Variants in CELSR2 observed in about 807,000 individuals in gnomAD.
CELSR2 encodes the protein EGF-like protein 2.
CELSR2 carries 81 observed loss-of-function variants against 251.6 expected under a neutral mutation model. The observed-to-expected ratio is 0.32, with a 90% CI of 0.27 to 0.39. The LOEUF (loss-of-function observed/expected upper bound fraction) is 0.39, where lower values mean the gene tolerates loss of function less well. CELSR2 is among the 10% of genes least tolerant of loss of function. The pLI is 1.00. For synonymous variants in CELSR2, 1,721 were observed against 1,670.5 expected, an observed-to-expected ratio of 1.03 and a Z score of -0.74; for missense variants, 3,365 against 3,947.7, an observed-to-expected ratio of 0.85 and a Z score of 3.96.
intron 5 of CELSR2, 32 bp from the exon 6 acceptor site, chr1:109,262,255 T>C: frequency 1.2e-6 from 2 of 1,609,248 alleles, no homozygotes; most frequent in Non-Finnish European, 1.7e-6. Flanking sequence ...CTGTACTCAG[T>C]GTCCCCCTTC....
Position 109,269,625 on chromosome 1 carries a change from C to T in CELSR2, c.6980+34C>T, listed in dbSNP as rs778433865. On this transcript the variant is annotated intron_variant, in intron 21 of 33. Coordinates refer to ENST00000271332, the MANE Select transcript of CELSR2 (RefSeq NM_001408.3). This position sits in a 1 kb window ranked among gnomAD's most constrained non-coding sequence, Gnocchi z 6.4. ...GCACTGCCCTCGCCCCCTCAGGCTT[C>T]GGGCTGAAAGTCCAGGCCCCTGCAT... 2.9e-5 allele frequency: 47 copies of T among 1,613,138 alleles called. 1 individual carries two copies. In the South Asian group the frequency reaches 4.2e-4, roughly 14 times the overall value.
At chr1:109,270,168 C>A (rs1329033839) in intron 23 of CELSR2, 35 bp downstream of exon 23, 1 of 1,603,404 alleles carries the variant, frequency 6.2e-7, no homozygotes, top group East Asian at 2.2e-5. Flanking sequence ...ACTGTCCCCA[C>A]CTTCTCAGGC....
At position 109,274,066 on chromosome 1, in the gene CELSR2, C is replaced by T. The variant is rs1371766144; in HGVS notation, c.*17C>T. Reference sequence around the variant, plus strand: ...CTGCATTAACCCTGGGCCGTGGTTCCTACGCCCGAGGCTCCCTTCCCTTCC... The same window carrying T: ...CTGCATTAACCCTGGGCCGTGGTTCTTACGCCCGAGGCTCCCTTCCCTTCC... On this transcript the variant is annotated 3_prime_UTR_variant, in exon 34 of 34. Coordinates refer to ENST00000271332, the MANE Select transcript of CELSR2 (RefSeq NM_001408.3). 3 of 1,614,070 alleles carry T rather than the reference C, an allele frequency of 1.9e-6. No homozygotes were observed. The highest frequency in any genetic ancestry group is 2.5e-6 in the Non-Finnish European group (3 of 1,180,024).
Position 109,261,333 on chromosome 1 carries a change from T to C in CELSR2, c.4181+69T>C. 1 of 1,500,442 alleles carries C rather than the reference T, an allele frequency of 6.7e-7. No homozygotes were observed. The highest frequency in any genetic ancestry group is 9.2e-7 in the Non-Finnish European group (1 of 1,089,204). 92.9% of individuals were successfully genotyped at this position (1,500,442 alleles called of 1,614,324 possible). ...ATCTGAGGTGCCTCCTGTTCTGTGG[T>C]TGAAGTAAGAGGTCAGGCAGTGAAA... On this transcript the variant is annotated intron_variant, in intron 3 of 33. Transcript: ENST00000271332. This position sits in a 1 kb window ranked among gnomAD's most constrained non-coding sequence, Gnocchi z 4.8.
rs146395553 is a variant in CELSR2, at chr1:109,261,163, C to G, written c.4080C>G (p.Phe1360Leu). The G allele has an allele frequency of 6.2e-7, 1 of 1,614,154 alleles. No homozygotes were observed. Among genetic ancestry groups the G allele is most frequent in the Non-Finnish European group, 8.5e-7 (1 of 1,180,030 alleles). Residue 1360 changes from phenylalanine to leucine, a missense_variant, in exon 3 of 34, where the codon TTC (phenylalanine) becomes TTG (leucine). Transcript: ENST00000271332. This position sits in a 1 kb window ranked among gnomAD's most constrained non-coding sequence, Gnocchi z 4.8. ...AGTGCGATTGCCCATCTGGAGACTT[C>G]GAGAAGCCCTACTGCCAGGTGACCA... ...GFKCDCPSGD[F>L]EKPYCQVTTR...
rs1408589690 is a variant in CELSR2, at chr1:109,253,091, G to A, written c.3012G>A (p.Val1004=). The A allele has an allele frequency of 1.2e-6, 2 of 1,613,606 alleles. No individual in the cohort carries two copies. The highest frequency in any genetic ancestry group is 1.7e-6 in the Non-Finnish European group (2 of 1,180,042). The change falls in exon 1 of 34, where the codon GTG becomes GTA. Residue 1004 remains valine, a synonymous_variant. Transcript: ENST00000271332. ...LVIQATSAPL[V]SRATVHVRLL... is the part of the protein sequence containing the mutation. ...TCCAGGCCACGTCAGCTCCTCTGGT[G>A]AGCCGGGCTACAGTCCACGTCCGCC...
intron 12 of CELSR2, 58 bp from the exon 13 acceptor site, chr1:109,265,130 TCAC>T (rs1265565425): frequency 6.3e-7 from 1 of 1,580,138 alleles, no homozygotes; most frequent in Non-Finnish European, 8.6e-7. Context: ...CACATAGGGC[TCAC>T]CTAGGTTAGG....
intron 15 of CELSR2, among the ~76,000 whole-genome samples, chr1:109,266,954 C>G (rs867447882): frequency 4.8e-4 from 73 of 152,108 alleles, no homozygotes; most frequent in African/African-American, 1.7e-3. Context: ...ATCTCTTGAC[C>G]TTGTGATCAG....
rs138516376 is a variant in CELSR2 at position 109,250,831 on chromosome 1, C to T, written c.752C>T (p.Thr251Ile). Residue 251 changes from threonine to isoleucine, a missense_variant, in exon 1 of 34, where the codon ACC becomes ATC. Around this residue, in one of 5 missense-constraint regions of CELSR2, gnomAD observed 704 missense variants for 784.1 expected, o/e 0.90. Transcript: ENST00000271332. The surrounding 1 kb of genome is among the most constrained non-coding windows in gnomAD (Gnocchi z 4.4). ...ACAGCCGAGGAGCTGGATCGTGAGACCAAGAGCACCCACGTCTTCAGGGTC... is the reference window on the plus strand; with the variant it reads ...ACAGCCGAGGAGCTGGATCGTGAGATCAAGAGCACCCACGTCTTCAGGGTC... ...VTTAEELDRE[T>I]KSTHVFRVTA... The T allele has an allele frequency of 2.0e-5, 33 of 1,613,924 alleles. No homozygotes were observed. Among genetic ancestry groups the T allele is most frequent in the Admixed American group, 3.3e-5 (2 of 60,010 alleles).
rs747379339 is a variant in CELSR2 at position 109,261,164 on chromosome 1, G to A, written c.4081G>A (p.Glu1361Lys). ...FKCDCPSGDF[E>K]KPYCQVTTRS... is the part of the protein sequence containing the mutation. ...GTGCGATTGCCCATCTGGAGACTTC[G>A]AGAAGCCCTACTGCCAGGTGACCAC... Residue 1361 changes from glutamate (E) to lysine (K), a missense_variant, in exon 3 of 34, where the codon GAG (glutamate) becomes AAG (lysine). Around this residue, in one of 5 missense-constraint regions of CELSR2, gnomAD observed 2,093 missense variants for 2,382.8 expected, o/e 0.88. Transcript: ENST00000271332. This position sits in a 1 kb window ranked among gnomAD's most constrained non-coding sequence, Gnocchi z 4.8. 2.2e-5 allele frequency: 36 copies of A among 1,614,024 alleles called. No homozygotes were observed. The highest frequency in any genetic ancestry group is 5.0e-5 in the Admixed American group (3 of 60,006).
chr1:109,270,151 C>T lies in CELSR2; in HGVS notation c.7308+18C>T. On this transcript the variant is annotated intron_variant, in intron 23 of 33. Coordinates refer to ENST00000271332, the MANE Select transcript of CELSR2 (RefSeq NM_001408.3). ...ACCTCCCTGTAAGATGCTCCTACTG[C>T]CCAGAAACTGTCCCCACCTTCTCAG... is the stretch of plus-strand genomic sequence containing the variant. 6.2e-7 allele frequency: 1 copy of T among 1,611,842 alleles called. No homozygotes were observed. The highest frequency in any genetic ancestry group is 8.5e-7 in the Non-Finnish European group (1 of 1,179,008).
intron 16 of CELSR2, 41 bp downstream of exon 16, chr1:109,267,683 G>C: frequency 6.2e-7 from 1 of 1,606,574 alleles, no homozygotes; most frequent in Non-Finnish European, 8.5e-7. Context: ...CCTGTCCTTC[G>C]TCCTGAGTCT....
Position 109,249,671 on chromosome 1 carries a change from C to G in CELSR2, c.-409C>G, listed in dbSNP as rs1317681117. The stretch of plus-strand genomic sequence containing the variant: ...CGGGACCGTCGGGGGCCGCCGGGGC[C>G]GGGCCGGGGTCGGGGCGCACGGCTA... On this transcript the variant is annotated 5_prime_UTR_variant, in exon 1 of 34. Transcript: ENST00000271332. 6.8e-6 allele frequency among the ~76,000 whole-genome samples: 1 copy of G among 146,788 alleles called. No homozygotes were observed. Among genetic ancestry groups the G allele is most frequent in the Non-Finnish European group, 1.5e-5 (1 of 66,010 alleles).
rs1013299107 is a variant in CELSR2 at position 109,270,034 on chromosome 1, C to T, written c.7209C>T (p.Ile2403=). ...LTFFFLTLLR[I]LRSNQHGIRR... ...TCTTCTTCCTCACTCTCTTGCGTATCCTGCGCTCCAACCAACACGGCATCC... is the reference window on the plus strand; with the variant it reads ...TCTTCTTCCTCACTCTCTTGCGTATTCTGCGCTCCAACCAACACGGCATCC... Residue 2403 remains isoleucine (I), a synonymous_variant, in exon 23 of 34, where the codon ATC becomes ATT. Transcript: ENST00000271332. 5 of 1,614,122 alleles carry T rather than the reference C, an allele frequency of 3.1e-6. No individual in the cohort carries two copies. Among genetic ancestry groups the T allele is most frequent in the Non-Finnish European group, 4.2e-6 (5 of 1,180,028 alleles).
At chr1:109,263,962 C>T (rs1656110433) in intron 9 of CELSR2, 116 bp from the exon 10 acceptor site, 2 of 1,428,672 alleles carry the variant, frequency 1.4e-6, no homozygotes, top group African/African-American at 2.9e-5. Context: ...GCTTTCCTCT[C>T]TATGGCCTCA....
intron 1 of CELSR2, among the ~76,000 whole-genome samples, chr1:109,254,316 G>A (rs1655786175): frequency 6.6e-6 from 1 of 152,202 alleles, no homozygotes; most frequent in Admixed American, 6.5e-5. Context: ...GAGTCCCAGG[G>A]CGTGGGAGCC....
rs1375502931 is a variant in CELSR2 at position 109,265,230 on chromosome 1, C to T, written c.5646C>T (p.Pro1882=). Residue 1882 remains proline (P), a synonymous_variant, in exon 13 of 34, where the codon CCC becomes CCT. Coordinates refer to ENST00000271332, the MANE Select transcript of CELSR2 (RefSeq NM_001408.3). ...GTCCCCGTGGCTGGTGGGGACATCCCACATGTGGCCCATGCAACTGTGATG... is the reference window on the plus strand; with the variant it reads ...GTCCCCGTGGCTGGTGGGGACATCCTACATGTGGCCCATGCAACTGTGATG... ...QPCPRGWWGH[P]TCGPCNCDVS... 1 of 1,612,428 alleles carries T rather than the reference C, an allele frequency of 6.2e-7. No individual in the cohort carries two copies. Among genetic ancestry groups the T allele is most frequent in the South Asian group, 1.1e-5 (1 of 90,918 alleles).
chr1:109,266,478 A>T, intron 15 of CELSR2: 1 of 322,004 alleles, frequency 3.1e-6, no homozygotes, highest in East Asian at 6.1e-5. Context: ...CAGTGGCGTG[A>T]TCTCCGCTCG....
At position 109,269,105 on chromosome 1, in the gene CELSR2, C is replaced by T; in HGVS notation, c.6632-5C>T. ...CCAGCTAAGTGTGACAGTGTCCCCTCCCAGAGACGCCCCCCGTGGTCAGGC... is the reference window on the plus strand; with the variant it reads ...CCAGCTAAGTGTGACAGTGTCCCCTTCCAGAGACGCCCCCCGTGGTCAGGC... On this transcript the variant is annotated splice_region_variant and splice_polypyrimidine_tract_variant and intron_variant, in intron 19 of 33. Transcript: ENST00000271332. This position sits in a 1 kb window ranked among gnomAD's most constrained non-coding sequence, Gnocchi z 6.4. 1 of 1,598,752 alleles carries T rather than the reference C, an allele frequency of 6.3e-7. No homozygotes were observed. Among genetic ancestry groups the T allele is most frequent in the Non-Finnish European group, 8.5e-7 (1 of 1,171,656 alleles).
Sources: gnomAD v4.1 joint callset for allele counts (sites outside exome capture counted in the v4.1 genomes callset) on GRCh38, gnomAD v4.1.1 for gene constraint, gnomAD v4.1.1 regional missense constraint, Gnocchi (gnomAD v3.1) non-coding constraint, MANE v1.5 for transcripts, NCBI Gene and HGNC (gene_info 2026-07-23, HGNC 2026-07-21) for gene names.